Variants in SNTG2 observed in about 807,000 individuals in gnomAD.
The protein encoded by SNTG2 is syntrophin gamma 2, also known as gamma-2-syntrophin.
In SNTG2, 74 loss-of-function variants were observed where a neutral mutation model predicts 70.9. The ratio of observed to expected loss-of-function variants is 1.04; its 90% CI spans 0.86 to 1.27. SNTG2 has a LOEUF of 1.27. Among genes scored for constraint, SNTG2 ranks in the 50% most tolerant of loss-of-function variants. SNTG2 has a pLI of 0.00. For synonymous variants in SNTG2, 278 were observed against 273.8 expected (o/e 1.02, Z -0.15); for missense variants, 717 against 690.7 (o/e 1.04, Z -0.43).
At chr2:1,205,060 GT>G (rs895164459) in intron 8 of SNTG2, among the ~76,000 whole-genome samples, 17 of 151,936 alleles carry the variant, frequency 1.1e-4, no homozygotes, top group Admixed American at 4.6e-4. Flanking sequence ...GGGTGATAAG[GT>G]TTTTTTTAAC....
intron 6 of SNTG2, among the ~76,000 whole-genome samples, chr2:1,153,821 G>A (rs1016188667): frequency 3.3e-5 from 5 of 152,114 alleles, no homozygotes; most frequent in Admixed American, 2.0e-4. Flanking sequence ...TCCTAACTTC[G>A]AACAAAAATC....
At chr2:1,202,048 A>ATT (rs1341918099) in intron 8 of SNTG2, among the ~76,000 whole-genome samples, 21 of 152,142 alleles carry the variant, frequency 1.4e-4, no homozygotes, top group Non-Finnish European at 2.8e-4. Context: ...GACCTACACT[A>ATT]CAGGAAATAC....
Position 973,528 on chromosome 2 carries a change from G to GTA in SNTG2, c.72+22472_72+22473dup, listed in dbSNP as rs200953670. Among the ~76,000 whole-genome samples the GTA allele has an allele frequency of 5.9e-3, 791 of 133,456 alleles. 2 individuals are homozygous for GTA. The highest frequency in any genetic ancestry group is 8.5e-3 in the Middle Eastern group (2 of 236). 87.6% of individuals were successfully genotyped at this position (133,456 alleles called of 152,430 possible). A position where few individuals can be genotyped will look rare whatever the true frequency, so the allele number is the denominator to read the frequency against. The stretch of plus-strand genomic sequence containing the variant: ...CTTGGGGGTGTGTGTGTATATACAT[G>GTA]TATATATATATATTTTTTTTTACTT... On this transcript the variant is annotated intron_variant, in intron 1 of 16. Coordinates refer to ENST00000308624, the MANE Select transcript of SNTG2 (RefSeq NM_018968.4).
At chr2:1,002,160 C>A (rs1487681820) in intron 1 of SNTG2, among the ~76,000 whole-genome samples, 5 of 151,888 alleles carry the variant, frequency 3.3e-5, no homozygotes, top group South Asian at 4.1e-4. Context: ...TATAAAAAAA[C>A]CAGAAGAAAA....
chr2:1,098,824 G>C (rs1178352641), intron 4 of SNTG2, among the ~76,000 whole-genome samples: 4 of 152,224 alleles, frequency 2.6e-5, no homozygotes, highest in African/African-American at 9.7e-5. Flanking sequence ...TGCAGGACTA[G>C]CTGACCGCGC....
intron 9 of SNTG2, among the ~76,000 whole-genome samples, chr2:1,229,899 C>T (rs932519560): frequency 7.9e-5 from 12 of 152,338 alleles, no homozygotes; most frequent in East Asian, 3.9e-4. Flanking sequence ...GTGCGGAGCC[C>T]GCCAAGCCTA....
chr2:1,135,075 C>T (rs927577849), intron 4 of SNTG2, among the ~76,000 whole-genome samples: 2 of 152,170 alleles, frequency 1.3e-5, no homozygotes, highest in Non-Finnish European at 2.9e-5. Context: ...GACCCATGGG[C>T]TCAGCACTGC....
chr2:1,072,343 CTTTTTCTTTTT>C (rs1663626290), intron 1 of SNTG2, among the ~76,000 whole-genome samples: 3 of 23,498 alleles, frequency 1.3e-4, no homozygotes, highest in African/African-American at 2.2e-4. Context: ...TTTTCTTTTT[CTTTTTCTTTTT>C]TTTTTTTTTT....
chr2:1,329,751 C>T (rs1490784509), intron 16 of SNTG2, among the ~76,000 whole-genome samples: 1 of 152,140 alleles, frequency 6.6e-6, no homozygotes, highest in East Asian at 1.9e-4. Flanking sequence ...GTGCTGTACG[C>T]ATCGTGTGGG....
intron 6 of SNTG2, among the ~76,000 whole-genome samples, chr2:1,154,225 T>C (rs1479575776): frequency 1.3e-5 from 2 of 151,878 alleles, no homozygotes; most frequent in South Asian, 2.1e-4. Context: ...GAGGCTGACA[T>C]TAGGGACCAC....
At chr2:1,311,830 C>T (rs149899109) in intron 15 of SNTG2, among the ~76,000 whole-genome samples, 1 of 152,256 alleles carries the variant, frequency 6.6e-6, no homozygotes, top group Non-Finnish European at 1.5e-5. Context: ...ACTTTTACAC[C>T]ACACTATCCT....
intron 1 of SNTG2, among the ~76,000 whole-genome samples, chr2:1,051,110 CTGGT>C (rs1162841259): frequency 1.3e-5 from 2 of 151,534 alleles, no homozygotes; most frequent in Non-Finnish European, 2.9e-5. Flanking sequence ...ATGAAAAATG[CTGGT>C]TTTATTTTTT....
intron 4 of SNTG2, among the ~76,000 whole-genome samples, chr2:1,122,090 A>C (rs980561970): frequency 2.0e-5 from 3 of 152,216 alleles, no homozygotes; most frequent in Non-Finnish European, 4.4e-5. Context: ...ACCAAAACCA[A>C]ATAGGGACAT....
chr2:1,045,494 C>A (rs894549042), intron 1 of SNTG2, among the ~76,000 whole-genome samples: 2 of 151,868 alleles, frequency 1.3e-5, no homozygotes, highest in Non-Finnish European at 2.9e-5. Context: ...TGAGGTCTTT[C>A]TAACTTTTTG....
At chr2:1,323,999 G>A (rs746898195) in intron 16 of SNTG2, among the ~76,000 whole-genome samples, 15 of 151,862 alleles carry the variant, frequency 9.9e-5, no homozygotes, top group South Asian at 2.1e-4. Flanking sequence ...ATAGGTAACA[G>A]TCACATAGCT....
At chr2:1,157,658 G>A (rs976793573) in intron 6 of SNTG2, among the ~76,000 whole-genome samples, 1 of 152,232 alleles carries the variant, frequency 6.6e-6, no homozygotes, top group Non-Finnish European at 1.5e-5. Context: ...TTAACATAGT[G>A]TATTTAAGCA....
chr2:1,323,507 A>C (rs1681622993), intron 16 of SNTG2, among the ~76,000 whole-genome samples: 2 of 114,310 alleles, frequency 1.7e-5, no homozygotes, highest in Non-Finnish European at 3.8e-5. Flanking sequence ...CATGGCTGAG[A>C]CCCCCTGTAG....
chr2:1,163,271 T>TGG (rs1670457125), intron 6 of SNTG2: 1 of 146,448 alleles, frequency 6.8e-6, no homozygotes, highest in African/African-American at 2.7e-5. Flanking sequence ...AGTAGGCACG[T>TGG]GAAGCCTCCC....
intron 4 of SNTG2, among the ~76,000 whole-genome samples, chr2:1,134,241 G>C (rs1353164835): frequency 6.6e-6 from 1 of 152,168 alleles, no homozygotes; most frequent in African/African-American, 2.4e-5. Flanking sequence ...CTTCCACAGT[G>C]TGGAAGGGGA....
Sources: gnomAD v4.1 joint callset for allele counts (sites outside exome capture counted in the v4.1 genomes callset) on GRCh38, gnomAD v4.1.1 for gene constraint, MANE v1.5 for transcripts, NCBI Gene and HGNC (gene_info 2026-07-23, HGNC 2026-07-21) for gene names.